Variants in RPA3 observed in about 807,000 individuals in gnomAD.
RPA3 encodes replication protein A3.
In RPA3, 24 loss-of-function variants were observed where a neutral mutation model predicts 13.7. The ratio of observed to expected loss-of-function variants is 1.75; its 90% CI spans 1.27 to 2.46. The LOEUF is 2.46. Ranked by LOEUF, RPA3 falls within the 30% of genes most tolerant of loss-of-function variation. RPA3 has a pLI of 0.00. For missense variants in RPA3, 183 were observed against 151.0 expected, an observed-to-expected ratio of 1.21 and a Z score of -1.11; for synonymous variants, 59 against 51.2, an observed-to-expected ratio of 1.15 and a Z score of -0.65.
chr7:7,656,475 C>A (rs1208763148), intron 4 of RPA3, among the ~76,000 whole-genome samples: 1 of 152,170 alleles, frequency 6.6e-6, no homozygotes, highest in Non-Finnish European at 1.5e-5. Context: ...TAGCCTTCCA[C>A]CCCATGACAG....
chr7:7,654,464 A>T (rs943430037), intron 4 of RPA3, among the ~76,000 whole-genome samples: 3 of 152,256 alleles, frequency 2.0e-5, no homozygotes, highest in African/African-American at 7.2e-5. Context: ...GATTGGTTCC[A>T]GGACTTCCTG....
intron 4 of RPA3, among the ~76,000 whole-genome samples, chr7:7,649,539 G>T (rs62451450): frequency 6.6e-6 from 1 of 152,054 alleles, no homozygotes; most frequent in Admixed American, 6.5e-5. Context: ...TAATTTCCAC[G>T]TCAGTTTTTT....
At chr7:7,699,370 A>C (rs1563134239) in intron 2 of RPA3, among the ~76,000 whole-genome samples, 2 of 152,222 alleles carry the variant, frequency 1.3e-5, no homozygotes, top group African/African-American at 4.8e-5. Flanking sequence ...CAAGTTAAAA[A>C]TTTAATATCC....
At chr7:7,675,134 G>T (rs1779707412) in intron 4 of RPA3, among the ~76,000 whole-genome samples, 1 of 152,046 alleles carries the variant, frequency 6.6e-6, no homozygotes, top group South Asian at 2.1e-4. Context: ...CAAAGTGTTG[G>T]GATTACAGGC....
At chr7:7,669,243 C>T (rs544319921) in intron 4 of RPA3, among the ~76,000 whole-genome samples, 22 of 152,154 alleles carry the variant, frequency 1.4e-4, no homozygotes, top group African/African-American at 4.8e-4. Flanking sequence ...AAGGAGGAAA[C>T]GATTGTATAC....
rs564444702 is a variant in RPA3, at chr7:7,697,375, A to G, written c.-1027-10047T>C. 7.9e-4 allele frequency among the ~76,000 whole-genome samples: 121 copies of G among 152,308 alleles called. 2 individuals are homozygous for G. Among genetic ancestry groups the G allele is most frequent in the African/African-American group, 2.9e-3 (119 of 41,570 alleles). The stretch of plus-strand genomic sequence containing the variant: ...CAGCATTTAATTTGTTTTCTTCTAA[A>G]ACACCTATGAAACAGATAAATTATC... On this transcript the variant is annotated intron_variant, in intron 2 of 7. Transcript: ENST00000223129.
At chr7:7,673,521 A>C in intron 4 of RPA3, 1 of 661,702 alleles carries the variant, frequency 1.5e-6, no homozygotes, top group Non-Finnish European at 2.7e-6. Context: ...CTTGAAAATT[A>C]TATGATTGAT....
At chr7:7,643,638 A>AG (rs1220981445) in intron 4 of RPA3, among the ~76,000 whole-genome samples, 1 of 151,388 alleles carries the variant, frequency 6.6e-6, no homozygotes, top group African/African-American at 2.4e-5. Context: ...CGTGAACCCG[A>AG]GAGGCGGAGC....
chr7:7,689,486 A>T (rs535073604), intron 2 of RPA3: 1 of 152,174 alleles, frequency 6.6e-6, no homozygotes, highest in African/African-American at 2.4e-5. Context: ...CCCGCATTAA[A>T]GTTTAAGCCA....
intron 2 of RPA3, among the ~76,000 whole-genome samples, chr7:7,695,185 C>T (rs1208728147): frequency 1.3e-5 from 2 of 152,180 alleles, no homozygotes; most frequent in Non-Finnish European, 2.9e-5. Flanking sequence ...TGTACGTCTT[C>T]TTTTGAGAAG....
At chr7:7,643,204 C>T (rs373660408) in intron 4 of RPA3, among the ~76,000 whole-genome samples, 1 of 152,052 alleles carries the variant, frequency 6.6e-6, no homozygotes, top group Non-Finnish European at 1.5e-5. Flanking sequence ...AATGTAGACC[C>T]GAGGGAGAAA....
chr7:7,717,256 C>T (rs1299032447), intron 1 of RPA3, among the ~76,000 whole-genome samples: 1 of 151,966 alleles, frequency 6.6e-6, no homozygotes, highest in Non-Finnish European at 1.5e-5. Context: ...TGGGTTTCAC[C>T]ACGTTGGCCT....
chr7:7,650,149 T>C (rs191126699), intron 4 of RPA3, among the ~76,000 whole-genome samples: 15 of 152,386 alleles, frequency 9.8e-5, no homozygotes, highest in Non-Finnish European at 1.6e-4. Flanking sequence ...TCCCAATTTT[T>C]ATGCTGTTGT....
chr7:7,703,726 G>A (rs1378046778), intron 2 of RPA3, among the ~76,000 whole-genome samples: 1 of 152,172 alleles, frequency 6.6e-6, no homozygotes, highest in Non-Finnish European at 1.5e-5. Flanking sequence ...GATCGCTTGA[G>A]CCCAGGAGTT....
intron 4 of RPA3, among the ~76,000 whole-genome samples, chr7:7,680,225 G>A (rs868217831): frequency 2.6e-5 from 4 of 152,032 alleles, no homozygotes; most frequent in South Asian, 2.1e-4. Context: ...TGTATGTGGC[G>A]AGAGATAGGG....
intron 4 of RPA3, among the ~76,000 whole-genome samples, chr7:7,665,565 A>T (rs1352919322): frequency 6.6e-6 from 1 of 152,178 alleles, no homozygotes; most frequent in Non-Finnish European, 1.5e-5. Flanking sequence ...GAAAATATAC[A>T]ATTTGATGAG....
intron 1 of RPA3, among the ~76,000 whole-genome samples, chr7:7,716,286 G>T (rs976172255): frequency 1.1e-4 from 16 of 152,268 alleles, no homozygotes; most frequent in African/African-American, 3.9e-4. Context: ...ACAATGCCAA[G>T]AAAAATTGTA....
chr7:7,660,875 G>A (rs953657700), intron 4 of RPA3, among the ~76,000 whole-genome samples: 33 of 152,178 alleles, frequency 2.2e-4, no homozygotes, highest in Non-Finnish European at 4.0e-4. Context: ...AAGTTCTCCT[G>A]GATAATATCC....
At chr7:7,691,340 G>A (rs1188932168) in intron 2 of RPA3, among the ~76,000 whole-genome samples, 5 of 151,984 alleles carry the variant, frequency 3.3e-5, no homozygotes, top group Non-Finnish European at 5.9e-5. Flanking sequence ...ATTTGTAGTC[G>A]TCATCATTAT....
Sources: gnomAD v4.1 joint callset for allele counts (sites outside exome capture counted in the v4.1 genomes callset) on GRCh38, gnomAD v4.1.1 for gene constraint, MANE v1.5 for transcripts, NCBI Gene and HGNC (gene_info 2026-07-23, HGNC 2026-07-21) for gene names.